Variants in ABAT observed in about 807,000 individuals in gnomAD.
ABAT encodes the protein 4-aminobutyrate aminotransferase, mitochondrial.
Under a neutral mutation model 64.6 loss-of-function variants are expected in ABAT, and 45 were observed. The ratio of observed to expected loss-of-function variants is 0.70; its 90% confidence interval spans 0.55 to 0.89. The LOEUF (loss-of-function observed/expected upper bound fraction) is 0.89, where lower values mean the gene tolerates loss of function less well. ABAT is among the 40% of genes least tolerant of loss of function. ABAT has a pLI of 0.00. For synonymous variants in ABAT, 297 were observed against 250.5 expected, an observed-to-expected ratio of 1.19 and a Z score of -1.75; for missense variants, 633 against 658.4, an observed-to-expected ratio of 0.96 and a Z score of 0.42.
At chr16:8,757,235 T>G (rs1189914013) in intron 5 of ABAT, 1 of 446,864 alleles carries the variant, frequency 2.2e-6, no homozygotes, top group East Asian at 7.1e-5. Context: ...TGGCGTGATC[T>G]CAACTCAATG....
intron 5 of ABAT, among the ~76,000 whole-genome samples, chr16:8,751,572 C>G (rs2059484653): frequency 6.6e-6 from 1 of 152,190 alleles, no homozygotes; most frequent in East Asian, 1.9e-4. Flanking sequence ...TGGTCTCAGA[C>G]TGAAGCAAAG....
At chr16:8,754,919 A>G (rs1270625461) in intron 5 of ABAT, among the ~76,000 whole-genome samples, 1 of 151,844 alleles carries the variant, frequency 6.6e-6, no homozygotes, top group Non-Finnish European at 1.5e-5. Flanking sequence ...GGGTTTCACC[A>G]TGTTGGCCAA....
At chr16:8,745,039 G>T (rs763978161) in intron 2 of ABAT, among the ~76,000 whole-genome samples, 18 of 152,124 alleles carry the variant, frequency 1.2e-4, no homozygotes, top group Non-Finnish European at 1.6e-4. Flanking sequence ...CCAGGCTGAA[G>T]TGCTGTAATC....
rs879122746 is a variant in ABAT at position 8,738,628 on chromosome 16, G to GT, written c.70+2829dup. ...TGTTTTTGTTTTTGTTTTTGTTTTT[G>GT]TTTTTTTTTTGGTGTGTGTGTATGT... On this transcript the variant is annotated intron_variant, in intron 2 of 15. Transcript: ENST00000268251. Among the ~76,000 whole-genome samples the GT allele has an allele frequency of 2.2e-3, 277 of 125,484 alleles. 11 individuals are homozygous for GT. In the East Asian group the frequency reaches 0.022, roughly 10 times the overall value. The allele number at this position is 125,484 out of a possible 152,430, so 82.3% of individuals were successfully genotyped here.
At chr16:8,696,053 T>C (rs2057694555) in intron 1 of ABAT, among the ~76,000 whole-genome samples, 2 of 152,226 alleles carry the variant, frequency 1.3e-5, no homozygotes, top group Admixed American at 6.5e-5. Context: ...TTCTTAGTTA[T>C]TGAGCCAAAA....
chr16:8,767,768 C>T (rs1025985933), intron 9 of ABAT, among the ~76,000 whole-genome samples: 7 of 152,188 alleles, frequency 4.6e-5, no homozygotes, highest in Non-Finnish European at 8.8e-5. Context: ...CTCTGTCTCC[C>T]GGGTTCAAGC....
In ABAT at chr16:8,721,647, G is replaced by A. The variant is rs111603705; in HGVS notation, c.-41-14052G>A. ...GGAAGGTCTATTGCATGTGGTAGGT[G>A]AACAGTAAGTAAATAAATGGGAGCT... On this transcript the variant is annotated intron_variant, in intron 1 of 15. Transcript: ENST00000268251. Among the ~76,000 whole-genome samples the A allele has an allele frequency of 1.7e-3, 260 of 152,298 alleles. 3 individuals carry two copies. The highest frequency in any genetic ancestry group is 6.1e-3 in the African/African-American group (252 of 41,556).
intron 2 of ABAT, among the ~76,000 whole-genome samples, chr16:8,739,762 AAACAG>A (rs138505061): frequency 0.53 from 80,118 of 149,896 alleles, 21,696 homozygotes; most frequent in Admixed American, 0.6. Flanking sequence ...AAAAACAAAA[AAACAG>A]AAAAAATAGA....
intron 5 of ABAT, 105 bp from the exon 6 acceptor site, chr16:8,757,652 G>T: frequency 2.3e-6 from 3 of 1,294,348 alleles, no homozygotes; most frequent in Non-Finnish European, 3.4e-6. Context: ...GGTTTTTAAA[G>T]AGAGTTGGGG....
At chr16:8,740,199 G>C (rs1011501365) in intron 2 of ABAT, among the ~76,000 whole-genome samples, 1 of 152,100 alleles carries the variant, frequency 6.6e-6, no homozygotes, top group Non-Finnish European at 1.5e-5. Flanking sequence ...TCCAGGACCC[G>C]AGCCACTGTA....
chr16:8,714,016 G>A (rs920056531), intron 1 of ABAT: 1 of 416,188 alleles, frequency 2.4e-6, no homozygotes, highest in Non-Finnish European at 5.0e-6. Context: ...TTGTGCATCT[G>A]TGTACATGCG....
intron 1 of ABAT, among the ~76,000 whole-genome samples, chr16:8,702,386 G>A (rs1476134909): frequency 6.6e-6 from 1 of 152,086 alleles, no homozygotes; most frequent in Non-Finnish European, 1.5e-5. Flanking sequence ...CCAAGTAGCT[G>A]GGATTATAGG....
chr16:8,682,121 C>T (rs185370651), intron 1 of ABAT, among the ~76,000 whole-genome samples: 4 of 151,588 alleles, frequency 2.6e-5, no homozygotes, highest in South Asian at 4.2e-4. Flanking sequence ...TGAGAATCAC[C>T]GGTTAGAGGC....
At chr16:8,732,784 C>T (rs2058772860) in intron 1 of ABAT, among the ~76,000 whole-genome samples, 1 of 150,588 alleles carries the variant, frequency 6.6e-6, no homozygotes, top group African/African-American at 2.5e-5. Flanking sequence ...CTCCTCACTT[C>T]CCAGTAGGGG....
chr16:8,739,667 G>A (rs779881775), intron 2 of ABAT, among the ~76,000 whole-genome samples: 2 of 152,050 alleles, frequency 1.3e-5, no homozygotes, highest in Non-Finnish European at 2.9e-5. Context: ...TATGGTTCAT[G>A]TGAAAGCACT....
At chr16:8,718,084 C>G (rs1324529201) in intron 1 of ABAT, among the ~76,000 whole-genome samples, 1 of 152,162 alleles carries the variant, frequency 6.6e-6, no homozygotes, top group African/African-American at 2.4e-5. Flanking sequence ...ACAGGATAAG[C>G]CACAACCCTC....
intron 11 of ABAT, among the ~76,000 whole-genome samples, chr16:8,770,164 G>C (rs546057183): frequency 6.6e-6 from 1 of 152,316 alleles, no homozygotes; most frequent in East Asian, 1.9e-4. Context: ...TTGAGATGGA[G>C]TCTAGCTCTG....
intron 2 of ABAT, among the ~76,000 whole-genome samples, chr16:8,744,528 C>G (rs189162713): frequency 3.9e-5 from 6 of 151,986 alleles, no homozygotes; most frequent in Non-Finnish European, 7.4e-5. Context: ...CCACCACACC[C>G]GGCTAGTTTT....
At chr16:8,754,179 T>TAAAAA (rs750745519) in intron 5 of ABAT, among the ~76,000 whole-genome samples, 1,001 of 63,824 alleles carry the variant, frequency 0.016, 87 homozygotes, top group African/African-American at 0.052. Flanking sequence ...ACCCTGTCTA[T>TAAAAA]AAAAAAAAAA....
Sources: allele counts gnomAD v4.1 joint callset (sites outside exome capture counted in the v4.1 genomes callset), GRCh38; gene constraint gnomAD v4.1.1; transcripts MANE v1.5; gene names NCBI Gene and HGNC (gene_info 2026-07-23, HGNC 2026-07-21).